Variants in ZNF253 observed in about 807,000 individuals in gnomAD.
The protein encoded by ZNF253 is zinc finger protein 253, also known as DNA-binding protein.
A neutral mutation model predicts 11.9 loss-of-function variants in ZNF253; 8 were observed. The observed-to-expected ratio is 0.67, with a 90% CI of 0.40 to 1.22. The LOEUF (loss-of-function observed/expected upper bound fraction) is 1.22. Ranked by LOEUF, ZNF253 falls within the 50% of genes most tolerant of loss-of-function variation. The pLI, the probability that ZNF253 is intolerant of heterozygous loss-of-function variation, is 0.01. For synonymous variants in ZNF253, 194 were observed against 194.9 expected (o/e 1.00, Z 0.04); for missense variants, 485 against 586.9 (o/e 0.83, Z 1.79).
At chr19:19,879,215 A>G (rs776661972) in intron 2 of ZNF253, among the ~76,000 whole-genome samples, 23 of 152,144 alleles carry the variant, frequency 1.5e-4, no homozygotes, top group Non-Finnish European at 2.5e-4. Flanking sequence ...TAGTCTTAAC[A>G]TGGTAAAAAA....
intron 3 of ZNF253, among the ~76,000 whole-genome samples, chr19:19,886,890 G>T (rs528487380): frequency 2.6e-5 from 4 of 151,934 alleles, no homozygotes; most frequent in Non-Finnish European, 5.9e-5. Flanking sequence ...ATTTATTACT[G>T]CAAATGGAGT....
intron 2 of ZNF253, among the ~76,000 whole-genome samples, chr19:19,879,451 C>T (rs1434516946): frequency 2.0e-5 from 3 of 151,944 alleles, no homozygotes; most frequent in South Asian, 4.1e-4. Context: ...AAATGTTCTG[C>T]GTACATGTTA....
chr19:19,884,377 TTA>T (rs1445684288), intron 3 of ZNF253, among the ~76,000 whole-genome samples: 1 of 123,332 alleles, frequency 8.1e-6, no homozygotes, highest in East Asian at 3.5e-4. Context: ...ATTTTTATTT[TTA>T]TTTTTTTTTT....
At chr19:19,870,534 A>C (rs1363692977) in intron 1 of ZNF253, among the ~76,000 whole-genome samples, 5 of 152,152 alleles carry the variant, frequency 3.3e-5, no homozygotes, top group African/African-American at 4.8e-5. Context: ...TACTTTACTC[A>C]ATAGGAATAA....
intron 3 of ZNF253, among the ~76,000 whole-genome samples, chr19:19,880,589 C>T (rs1212349388): frequency 6.6e-6 from 1 of 151,862 alleles, no homozygotes; most frequent in Non-Finnish European, 1.5e-5. Context: ...CCTGTAATCC[C>T]AGCTACTTGG....
intron 3 of ZNF253, among the ~76,000 whole-genome samples, chr19:19,889,277 T>C (rs2063219214): frequency 6.6e-6 from 1 of 152,130 alleles, no homozygotes. Flanking sequence ...CTCATTTTTC[T>C]GATCTTCAGT....
In ZNF253 at chr19:19,870,093, T is replaced by C. The variant is rs918680490; in HGVS notation, c.3+4094T>C. On this transcript the variant is annotated intron_variant, in intron 1 of 3. Coordinates refer to ENST00000589717, the MANE Select transcript of ZNF253 (RefSeq NM_021047.3). ...TGTTTTAACTGAAGTATAGTTGCAG[T>C]TTTTAAAAATACTACATACATTGCC... Among the ~76,000 whole-genome samples, 12 of 152,182 alleles carry C rather than the reference T, an allele frequency of 7.9e-5. No individual in the cohort carries two copies. The East Asian group carries it at 2.3e-3, about 29-fold the overall frequency.
chr19:19,886,950 G>A (rs1414928330), intron 3 of ZNF253, among the ~76,000 whole-genome samples: 2 of 151,750 alleles, frequency 1.3e-5, no homozygotes, highest in East Asian at 3.9e-4. Flanking sequence ...CTTCACTTTT[G>A]TCAATAGTTG....
rs2063246316 is a variant in ZNF253 at position 19,894,523 on chromosome 19, C to T, written c.*1776C>T. 6.6e-6 allele frequency: 1 copy of T among 152,134 alleles called. No individual in the cohort carries two copies. Among genetic ancestry groups the T allele is most frequent in the Non-Finnish European group, 1.5e-5 (1 of 68,020 alleles). 9.4% of individuals were successfully genotyped at this position (152,134 alleles called of 1,614,324 possible). On this transcript the variant is annotated 3_prime_UTR_variant, in exon 4 of 4. Coordinates refer to ENST00000589717, the MANE Select transcript of ZNF253 (RefSeq NM_021047.3). ...TGTGTAAGGTGGGGGTTCATGTTCT[C>T]ATTTCTATAATCCTAGCCAATGACT... is the stretch of plus-strand genomic sequence containing the variant.
In ZNF253 at chr19:19,878,563, A is replaced by G; in HGVS notation, c.86A>G (p.Tyr29Cys). Reference sequence around the variant, plus strand: ...CTGGACACTGCACAGCGGAATTTATATAGGGATGTGATGTTAGAGAACTAC... The same window carrying G: ...CTGGACACTGCACAGCGGAATTTATGTAGGGATGTGATGTTAGAGAACTAC... ...HCLDTAQRNL[Y>C]RDVMLENYRN... Residue 29 changes from tyrosine to cysteine, a missense_variant, in exon 2 of 4, where the codon TAT becomes TGT. By Grantham distance (194) the Tyr-to-Cys change is radical. This residue lies in a region of ZNF253 where 35 missense variants were observed against 52.4 expected (regional missense o/e 0.67). Coordinates refer to ENST00000589717, the MANE Select transcript of ZNF253 (RefSeq NM_021047.3). 6.2e-7 allele frequency: 1 copy of G among 1,613,968 alleles called. No individual in the cohort carries two copies. Among genetic ancestry groups the G allele is most frequent in the East Asian group, 2.2e-5 (1 of 44,858 alleles).
chr19:19,885,255 CTTTCTTTCTTTCTTTCTTTCTTTCTTTCT>C (rs2063195727), intron 3 of ZNF253, among the ~76,000 whole-genome samples: 1 of 63,532 alleles, frequency 1.6e-5, no homozygotes, highest in Non-Finnish European at 2.5e-5. Flanking sequence ...TTCTTTCTTT[CTTTCTTTCTTTCTTTCTTTCTTTCTTTCT>C]TTCTTTCTCT....
intron 3 of ZNF253, among the ~76,000 whole-genome samples, chr19:19,884,640 A>G (rs1209441665): frequency 6.6e-6 from 1 of 152,120 alleles, no homozygotes; most frequent in African/African-American, 2.4e-5. Context: ...CCAGTGTGCT[A>G]TGATTACAGG....
At chr19:19,874,031 C>T (rs908472789) in intron 1 of ZNF253, among the ~76,000 whole-genome samples, 1 of 152,110 alleles carries the variant, frequency 6.6e-6, no homozygotes, top group African/African-American at 2.4e-5. Context: ...GTCTCAGCCT[C>T]CAGAGTGTCC....
chr19:19,873,699 A>T (rs188641858), intron 1 of ZNF253, among the ~76,000 whole-genome samples: 2 of 152,040 alleles, frequency 1.3e-5, no homozygotes, highest in African/African-American at 4.8e-5. Flanking sequence ...TATAACCATT[A>T]AAAAAAATGA....
At position 19,865,993 on chromosome 19, in the gene ZNF253, A is replaced by C. The variant is rs1301338223; in HGVS notation, c.-4A>C. ...TAAACCCCGGGACCCCTGGAAGCCT[A>C]GAAATGGTGAGTGCCGGGTCCAACG... On this transcript the variant is annotated 5_prime_UTR_variant, in exon 1 of 4. Transcript: ENST00000589717. The C allele has an allele frequency of 6.2e-7, 1 of 1,614,192 alleles. No homozygotes were observed. Among genetic ancestry groups the C allele is most frequent in the Admixed American group, 1.7e-5 (1 of 60,026 alleles).
At position 19,865,989 on chromosome 19, in the gene ZNF253, G is replaced by A; in HGVS notation, c.-8G>A. On this transcript the variant is annotated 5_prime_UTR_variant, in exon 1 of 4. Coordinates refer to ENST00000589717, the MANE Select transcript of ZNF253 (RefSeq NM_021047.3). Reference sequence around the variant, plus strand: ...CAGCTAAACCCCGGGACCCCTGGAAGCCTAGAAATGGTGAGTGCCGGGTCC... The same window carrying A: ...CAGCTAAACCCCGGGACCCCTGGAAACCTAGAAATGGTGAGTGCCGGGTCC... The A allele has an allele frequency of 6.2e-7, 1 of 1,614,190 alleles. No homozygotes were observed. Among genetic ancestry groups the A allele is most frequent in the Non-Finnish European group, 8.5e-7 (1 of 1,180,038 alleles).
At chr19:19,872,784 A>T (rs185435481) in intron 1 of ZNF253, among the ~76,000 whole-genome samples, 1 of 151,604 alleles carries the variant, frequency 6.6e-6, no homozygotes, top group Non-Finnish European at 1.5e-5. Flanking sequence ...TAAACTGTCT[A>T]CTTATATTCA....
At position 19,893,892 on chromosome 19, in the gene ZNF253, G is replaced by C. The variant is rs988646324; in HGVS notation, c.*1145G>C. ...AGCAGTTGCTCAAGCTTTGTTTCAG[G>C]GAATCAAGGGAATTTATATTGAGAA... is the stretch of plus-strand genomic sequence containing the variant. On this transcript the variant is annotated 3_prime_UTR_variant, in exon 4 of 4. Transcript: ENST00000589717. The C allele has an allele frequency of 2.6e-5, 4 of 152,102 alleles. No individual in the cohort carries two copies. The highest frequency in any genetic ancestry group is 4.8e-5 in the African/African-American group (2 of 41,404). The allele number at this position is 152,102 out of a possible 1,614,324, so 9.4% of individuals were successfully genotyped here.
At chr19:19,878,827 A>C (rs2063166029) in intron 2 of ZNF253, 1 of 422,978 alleles carries the variant, frequency 2.4e-6, no homozygotes, top group Admixed American at 4.1e-5. Flanking sequence ...ATTCACAATA[A>C]CTAAAAGTGT....
Sources: allele counts gnomAD v4.1 joint callset (sites outside exome capture counted in the v4.1 genomes callset), GRCh38; gene constraint gnomAD v4.1.1; regional missense constraint gnomAD v4.1.1; transcripts MANE v1.5; gene names NCBI Gene and HGNC (gene_info 2026-07-23, HGNC 2026-07-21).